CCBE1: variants seen among roughly 807,000 people sequenced by gnomAD.
CCBE1 encodes the protein collagen and calcium binding EGF domains 1.
A neutral mutation model predicts 50.0 loss-of-function variants in CCBE1; 37 were observed. The ratio of observed to expected loss-of-function variants is 0.74; its 90% confidence interval spans 0.57 to 0.97. The LOEUF (loss-of-function observed/expected upper bound fraction) is 0.97, where lower values mean the gene tolerates loss of function less well. Among genes scored for constraint, CCBE1 ranks in the 50% least tolerant of loss-of-function variants. CCBE1 has a pLI of 0.00. For synonymous variants in CCBE1, 234 were observed against 203.7 expected, an observed-to-expected ratio of 1.15 and a Z score of -1.27; for missense variants, 538 against 523.8, an observed-to-expected ratio of 1.03 and a Z score of -0.26.
At chr18:59,605,054 T>C (rs894257998) in intron 2 of CCBE1, among the ~76,000 whole-genome samples, 2 of 152,174 alleles carry the variant, frequency 1.3e-5, no homozygotes, top group Non-Finnish European at 2.9e-5. Flanking sequence ...CATGAGAGCA[T>C]GTTCTGGCCT....
intron 5 of CCBE1, among the ~76,000 whole-genome samples, chr18:59,465,891 C>T (rs767461868): frequency 1.1e-4 from 17 of 152,106 alleles, no homozygotes; most frequent in Non-Finnish European, 5.9e-5. Context: ...TCTAAGAGCA[C>T]ACCACTTCAG....
At chr18:59,534,759 G>A (rs1308338690) in intron 2 of CCBE1, among the ~76,000 whole-genome samples, 1 of 152,164 alleles carries the variant, frequency 6.6e-6, no homozygotes, top group Non-Finnish European at 1.5e-5. Flanking sequence ...TCCAGAAGGA[G>A]AACTTCTGGC....
chr18:59,581,318 G>A (rs1371325800), intron 2 of CCBE1, among the ~76,000 whole-genome samples: 1 of 151,858 alleles, frequency 6.6e-6, no homozygotes, highest in South Asian at 2.1e-4. Flanking sequence ...GTGCATGCCT[G>A]TAATCCCAGC....
At chr18:59,691,194 C>T (rs1450807981) in intron 2 of CCBE1, among the ~76,000 whole-genome samples, 4 of 152,224 alleles carry the variant, frequency 2.6e-5, no homozygotes, top group Non-Finnish European at 5.9e-5. Context: ...ATTGAACAAC[C>T]TCTCTGTCCA....
At chr18:59,650,515 G>A (rs547204671) in intron 2 of CCBE1, among the ~76,000 whole-genome samples, 10 of 151,722 alleles carry the variant, frequency 6.6e-5, no homozygotes, top group African/African-American at 2.4e-4. Flanking sequence ...GTTAGTGTGC[G>A]GGATAATCGT....
intron 9 of CCBE1, 104 bp downstream of exon 9, chr18:59,439,439 C>CA: frequency 7.1e-7 from 1 of 1,401,956 alleles, no homozygotes; most frequent in African/African-American, 1.4e-5. Context: ...TGCACTCCAG[C>CA]CTGGGTGACA....
At chr18:59,544,715 T>G (rs780162235) in intron 2 of CCBE1, among the ~76,000 whole-genome samples, 1 of 152,272 alleles carries the variant, frequency 6.6e-6, no homozygotes, top group South Asian at 2.1e-4. Context: ...GATTCATCTG[T>G]ATGACAAAGA....
At chr18:59,452,002 T>C (rs574353902) in intron 6 of CCBE1, among the ~76,000 whole-genome samples, 1 of 152,302 alleles carries the variant, frequency 6.6e-6, no homozygotes, top group South Asian at 2.1e-4. Context: ...CACCTGTGCA[T>C]GCCTAGATAT....
chr18:59,519,198 G>A (rs1914497456), intron 2 of CCBE1, among the ~76,000 whole-genome samples: 1 of 152,232 alleles, frequency 6.6e-6, no homozygotes, highest in Non-Finnish European at 1.5e-5. Context: ...CAGGTAGGCT[G>A]TTCCTGGGTC....
At chr18:59,461,145 T>C (rs921238771) in intron 5 of CCBE1, among the ~76,000 whole-genome samples, 8 of 152,208 alleles carry the variant, frequency 5.3e-5, no homozygotes, top group Non-Finnish European at 8.8e-5. Context: ...GACCCGCTCA[T>C]TGTTGCTCAG....
chr18:59,602,938 C>A (rs2053451823), intron 2 of CCBE1, among the ~76,000 whole-genome samples: 1 of 152,204 alleles, frequency 6.6e-6, no homozygotes, highest in African/African-American at 2.4e-5. Context: ...GGATAACTTG[C>A]TAAGCCTCTG....
intron 2 of CCBE1, among the ~76,000 whole-genome samples, chr18:59,487,364 T>C (rs1394792494): frequency 6.6e-6 from 1 of 152,128 alleles, no homozygotes; most frequent in East Asian, 1.9e-4. Context: ...TGCAAAGTTC[T>C]TTAGTATGAG....
rs1311973671 is a variant in CCBE1, at chr18:59,692,955, AGCACACACACACACACACACAC to A, written c.212+3652_212+3673del. Among the ~76,000 whole-genome samples, 28 of 143,182 alleles carry A rather than the reference AGCACACACACACACACACACAC, an allele frequency of 2.0e-4. 1 individual carries two copies. Among genetic ancestry groups the A allele is most frequent in the East Asian group, 6.4e-4 (3 of 4,702 alleles). The allele number at this position is 143,182 out of a possible 152,430, so 93.9% of individuals were successfully genotyped here. On this transcript the variant is annotated intron_variant, in intron 2 of 10. Transcript: ENST00000439986. ...TAAAAGAACCACTTTGTCAAGCCAA[AGCACACACACACACACACACAC>A]ACACACACACACACACACACACACA...
chr18:59,662,606 T>A (rs1372879253), intron 2 of CCBE1, among the ~76,000 whole-genome samples: 2 of 152,192 alleles, frequency 1.3e-5, no homozygotes, highest in Non-Finnish European at 2.9e-5. Context: ...TACTGCATGA[T>A]GTAGAAGCCA....
chr18:59,561,254 G>A (rs1157484667), intron 2 of CCBE1, among the ~76,000 whole-genome samples: 2 of 152,210 alleles, frequency 1.3e-5, no homozygotes, highest in African/African-American at 4.8e-5. Flanking sequence ...TATCAGGCCT[G>A]CATGCCCAAA....
At chr18:59,600,238 C>A (rs62094363) in intron 2 of CCBE1, among the ~76,000 whole-genome samples, 168 of 152,090 alleles carry the variant, frequency 1.1e-3, no homozygotes, top group Non-Finnish European at 1.6e-3. Context: ...CACAGGAGGG[C>A]TAACTCTCTT....
intron 2 of CCBE1, among the ~76,000 whole-genome samples, chr18:59,643,490 T>C (rs1225831746): frequency 6.6e-6 from 1 of 152,100 alleles, no homozygotes; most frequent in East Asian, 1.9e-4. Context: ...TTTAGGGAAA[T>C]GCTTCTTTAA....
At chr18:59,488,524 C>A (rs1912933238) in intron 2 of CCBE1, among the ~76,000 whole-genome samples, 1 of 152,056 alleles carries the variant, frequency 6.6e-6, no homozygotes, top group Non-Finnish European at 1.5e-5. Flanking sequence ...AAGGTAACAA[C>A]CAGAAGGTAC....
At chr18:59,474,920 G>GT (rs2143753465) in intron 3 of CCBE1, among the ~76,000 whole-genome samples, 1 of 152,246 alleles carries the variant, frequency 6.6e-6, no homozygotes, top group African/African-American at 2.4e-5. Flanking sequence ...CTCCCTCTCT[G>GT]TTCTCCAGCT....
Sources: allele counts gnomAD v4.1 joint callset (sites outside exome capture counted in the v4.1 genomes callset), GRCh38; gene constraint gnomAD v4.1.1; transcripts MANE v1.5; gene names NCBI Gene and HGNC (gene_info 2026-07-23, HGNC 2026-07-21).